The following CLEC16A variants were observed in gnomAD, a reference collection of about 807,000 sequenced individuals.
CLEC16A encodes C-type lectin domain containing 16A, also known as protein CLEC16A.
Under a neutral mutation model 109.5 loss-of-function variants are expected in CLEC16A, and 51 were observed. The ratio of observed to expected loss-of-function variants is 0.47; its 90% CI spans 0.37 to 0.59. The LOEUF (loss-of-function observed/expected upper bound fraction) is 0.59. Ranked by LOEUF, CLEC16A falls within the 20% of genes least tolerant of loss-of-function variation. CLEC16A has a pLI of 0.00. For missense variants in CLEC16A, 1,339 were observed against 1,394.0 expected (o/e 0.96, Z 0.63); for synonymous variants, 673 against 564.2 (o/e 1.19, Z -2.73).
intron 19 of CLEC16A, among the ~76,000 whole-genome samples, chr16:11,093,480 G>A (rs2050430860): frequency 6.6e-6 from 1 of 152,186 alleles, no homozygotes. Context: ...TGCCCTGCTG[G>A]ACACTTCAGT....
At chr16:11,156,774 A>G (rs975129050) in intron 22 of CLEC16A, 33 of 809,572 alleles carry the variant, frequency 4.1e-5, no homozygotes, top group East Asian at 6.4e-5. Flanking sequence ...AGTTCTAGAA[A>G]TCCAAAGCAA....
At chr16:11,009,007 T>C (rs1385411914) in intron 11 of CLEC16A, among the ~76,000 whole-genome samples, 1 of 151,820 alleles carries the variant, frequency 6.6e-6, no homozygotes, top group Admixed American at 6.6e-5. Context: ...TCAAAAAAAA[T>C]AAAAAAGTAC....
chr16:11,067,515 C>T (rs985157237), intron 19 of CLEC16A, among the ~76,000 whole-genome samples: 8 of 151,778 alleles, frequency 5.3e-5, no homozygotes, highest in East Asian at 3.9e-4. Context: ...GCCACAGAGT[C>T]GGGGAGTGGG....
intron 1 of CLEC16A, among the ~76,000 whole-genome samples, chr16:10,945,091 A>G (rs1323816333): frequency 1.3e-5 from 2 of 152,156 alleles, no homozygotes; most frequent in Non-Finnish European, 2.9e-5. Context: ...TTTGTTCTTG[A>G]CGGTGTCCAC....
chr16:10,950,490 C>G (rs1457476697), intron 1 of CLEC16A, among the ~76,000 whole-genome samples: 1 of 152,232 alleles, frequency 6.6e-6, no homozygotes, highest in Non-Finnish European at 1.5e-5. Flanking sequence ...GGGTATAGCC[C>G]TGCCTATACC....
chr16:11,019,567 G>A (rs972389239), intron 11 of CLEC16A, among the ~76,000 whole-genome samples: 1 of 152,148 alleles, frequency 6.6e-6, no homozygotes, highest in Admixed American at 6.5e-5. Context: ...TCAGGAATTC[G>A]AGACCAGCCT....
At chr16:11,115,394 G>C (rs1422770319) in intron 19 of CLEC16A, among the ~76,000 whole-genome samples, 1 of 152,168 alleles carries the variant, frequency 6.6e-6, no homozygotes, top group Non-Finnish European at 1.5e-5. Context: ...TTTTGAGACA[G>C]GGCTCATCAC....
intron 19 of CLEC16A, among the ~76,000 whole-genome samples, chr16:11,100,563 C>G (rs1011699788): frequency 2.0e-5 from 3 of 152,178 alleles, no homozygotes; most frequent in African/African-American, 4.8e-5. Flanking sequence ...TTGGACCTGA[C>G]TCACTTGGGC....
chr16:11,130,403 G>A (rs977320734), intron 22 of CLEC16A, among the ~76,000 whole-genome samples: 8 of 152,196 alleles, frequency 5.3e-5, no homozygotes, highest in South Asian at 2.1e-4. Flanking sequence ...ACTGAGAACC[G>A]AGAAGACCTT....
intron 19 of CLEC16A, among the ~76,000 whole-genome samples, chr16:11,075,825 C>T (rs970941492): frequency 6.6e-6 from 1 of 152,112 alleles, no homozygotes; most frequent in African/African-American, 2.4e-5. Context: ...GTGTTTAGCA[C>T]TGTGCCTGGC....
chr16:11,067,179 GTTTGTT>G (rs2048812406), intron 19 of CLEC16A, among the ~76,000 whole-genome samples: 2 of 112,130 alleles, frequency 1.8e-5, no homozygotes, highest in South Asian at 2.8e-4. Context: ...TTTTTTTTTT[GTTTGTT>G]TTTGTTTTTT....
In CLEC16A at chr16:11,123,943, G is replaced by T; in HGVS notation, c.2470G>T (p.Ala824Ser). 6.2e-7 allele frequency: 1 copy of T among 1,602,736 alleles called. No individual in the cohort carries two copies. ...QARRMKMQRI[A>S]ALLDLPIQPT... Reference sequence around the variant, plus strand: ...AAGGCGCATGAAGATGCAGAGAATAGCTGGTGAGTGGCTGGACCCTGGCAG... The same window carrying T: ...AAGGCGCATGAAGATGCAGAGAATATCTGGTGAGTGGCTGGACCCTGGCAG... The change falls in exon 21 of 24, where the codon GCT becomes TCT. Residue 824 changes from alanine to serine, a missense_variant. By Grantham distance (99) the Ala-to-Ser change is moderately conservative (BLOSUM62 1). This residue lies in a region of CLEC16A where 1,061 missense variants were observed against 1,006.8 expected (regional missense o/e 1.05). Coordinates refer to ENST00000409790, the MANE Select transcript of CLEC16A (RefSeq NM_015226.3).
At chr16:11,141,362 C>T (rs1204857552) in intron 22 of CLEC16A, among the ~76,000 whole-genome samples, 1 of 152,222 alleles carries the variant, frequency 6.6e-6, no homozygotes, top group Non-Finnish European at 1.5e-5. Context: ...GAGGACAGCT[C>T]ACTCACAGGA....
At chr16:10,964,970 ACTGTG>A (rs1220170645) in intron 3 of CLEC16A, among the ~76,000 whole-genome samples, 1 of 152,148 alleles carries the variant, frequency 6.6e-6, no homozygotes, top group Non-Finnish European at 1.5e-5. Flanking sequence ...ACCTGTAGTC[ACTGTG>A]CTGTACATGA....
At chr16:11,037,011 G>A (rs964099075) in intron 13 of CLEC16A, among the ~76,000 whole-genome samples, 2 of 152,160 alleles carry the variant, frequency 1.3e-5, no homozygotes, top group African/African-American at 2.4e-5. Flanking sequence ...TTTCTCTTTC[G>A]ATCCTGACAG....
chr16:10,952,077 C>T (rs987025724), intron 1 of CLEC16A, among the ~76,000 whole-genome samples: 8 of 152,176 alleles, frequency 5.3e-5, no homozygotes, highest in Non-Finnish European at 1.0e-4. Context: ...GAAAAAGACC[C>T]GAGGAAATAG....
At chr16:11,044,450 T>C (rs1205957642) in intron 16 of CLEC16A, among the ~76,000 whole-genome samples, 1 of 152,228 alleles carries the variant, frequency 6.6e-6, no homozygotes, top group East Asian at 1.9e-4. Flanking sequence ...TAAAATTACT[T>C]ATGAATTACA....
chr16:11,168,810 CAGG>C (rs1365058491), intron 23 of CLEC16A, among the ~76,000 whole-genome samples: 4 of 152,258 alleles, frequency 2.6e-5, no homozygotes, highest in Admixed American at 6.5e-5. Context: ...AAGCCAAGGA[CAGG>C]AGAAGGGAGA....
chr16:11,125,774 G>A (rs2052762914), intron 21 of CLEC16A, among the ~76,000 whole-genome samples: 1 of 152,122 alleles, frequency 6.6e-6, no homozygotes, highest in Non-Finnish European at 1.5e-5. Context: ...GCCCTCACTT[G>A]GCTTCCGCTT....
Sources: gnomAD v4.1 joint callset for allele counts (sites outside exome capture counted in the v4.1 genomes callset) on GRCh38, gnomAD v4.1.1 for gene constraint, gnomAD v4.1.1 regional missense constraint, MANE v1.5 for transcripts, NCBI Gene and HGNC (gene_info 2026-07-23, HGNC 2026-07-21) for gene names.